CCDC169: variants seen among roughly 807,000 people sequenced by gnomAD.
CCDC169 encodes the protein coiled-coil domain-containing protein 169.
In CCDC169, 30 loss-of-function variants were observed where a neutral mutation model predicts 36.0. The observed-to-expected ratio is 0.83, with a 90% CI of 0.62 to 1.13. CCDC169 has a LOEUF of 1.13. CCDC169 is among the 50% of genes most tolerant of loss of function. The pLI is 0.00. For missense variants in CCDC169, 245 were observed against 245.9 expected (o/e 1.00, Z 0.03); for synonymous variants, 85 against 81.5 (o/e 1.04, Z -0.23).
Position 36,253,820 on chromosome 13 carries a change from G to C in CCDC169, c.451C>G (p.Leu151Val). Residue 151 changes from leucine (L) to valine (V), a missense_variant, in exon 6 of 8, where the codon CTA becomes GTA. By Grantham distance (32) the Leu-to-Val change is conservative. Coordinates refer to ENST00000239859, the MANE Select transcript of CCDC169 (RefSeq NM_001144981.3). ...QKINNERRTY[L>V]AEMSQGSGLH... The stretch of plus-strand genomic sequence containing the variant: ...AGAGTTACCTGAGACATTTCAGCTA[G>C]GTATGTACGGCGTTCATTGTTGATC... 2 of 1,550,860 alleles carry C rather than the reference G, an allele frequency of 1.3e-6. No individual in the cohort carries two copies. Among genetic ancestry groups the C allele is most frequent in the Non-Finnish European group, 1.7e-6 (2 of 1,146,834 alleles).
chr13:36,227,413 A>G, downstream of CCDC169: 1 of 1,479,042 alleles, frequency 6.8e-7, no homozygotes, highest in Non-Finnish European at 9.0e-7. Context: ...GAACATGAAT[A>G]AGGACAGCGA....
chr13:36,273,506 A>G (rs1876373684), intron 4 of CCDC169, among the ~76,000 whole-genome samples: 1 of 152,200 alleles, frequency 6.6e-6, no homozygotes, highest in East Asian at 1.9e-4. Context: ...CTAGCTTCAC[A>G]AGCAAAAAAT....
intron 4 of CCDC169, among the ~76,000 whole-genome samples, chr13:36,265,611 T>C (rs1875184296): frequency 6.6e-6 from 1 of 152,234 alleles, no homozygotes; most frequent in African/African-American, 2.4e-5. Flanking sequence ...TTTTAGGTCT[T>C]TAATTATGGC....
At chr13:36,239,278 A>C (rs941154916) in intron 7 of CCDC169, among the ~76,000 whole-genome samples, 12 of 152,070 alleles carry the variant, frequency 7.9e-5, no homozygotes, top group South Asian at 4.1e-4. Context: ...AAGAAGTATC[A>C]ATATGCATCA....
intron 6 of CCDC169, among the ~76,000 whole-genome samples, chr13:36,252,643 C>A (rs1328636): frequency 2.0e-5 from 3 of 151,994 alleles, no homozygotes; most frequent in Admixed American, 2.0e-4. Flanking sequence ...CAGACTATTT[C>A]TTCTTTTCCC....
At chr13:36,249,308 A>G (rs1220257637) in intron 6 of CCDC169, among the ~76,000 whole-genome samples, 12 of 152,208 alleles carry the variant, frequency 7.9e-5, no homozygotes, top group Non-Finnish European at 1.5e-5. Context: ...CCAAAGATAG[A>G]CAGGCCATCA....
At chr13:36,292,764 TA>T (rs1487111303) in intron 2 of CCDC169, among the ~76,000 whole-genome samples, 1 of 152,106 alleles carries the variant, frequency 6.6e-6, no homozygotes, top group African/African-American at 2.4e-5. Context: ...TTAGATAAAA[TA>T]AATTCAGCAT....
intron 7 of CCDC169, among the ~76,000 whole-genome samples, chr13:36,237,255 T>C (rs922253267): frequency 2.0e-5 from 3 of 152,058 alleles, no homozygotes; most frequent in Admixed American, 2.0e-4. Context: ...TCACTTCACA[T>C]CCACTAGGAT....
intron 4 of CCDC169, among the ~76,000 whole-genome samples, chr13:36,257,996 A>G (rs1036052805): frequency 2.0e-5 from 3 of 152,308 alleles, no homozygotes. Flanking sequence ...GGAATGGCGA[A>G]TGGAACATTT....
At chr13:36,234,318 A>G (rs1870811331) in intron 7 of CCDC169, among the ~76,000 whole-genome samples, 1 of 152,128 alleles carries the variant, frequency 6.6e-6, no homozygotes, top group Non-Finnish European at 1.5e-5. Context: ...GGCCCCCACT[A>G]AAGAAAACTG....
intron 4 of CCDC169, among the ~76,000 whole-genome samples, chr13:36,270,603 C>T (rs1418526700): frequency 6.6e-6 from 1 of 151,996 alleles, no homozygotes; most frequent in African/African-American, 2.4e-5. Context: ...AATAGAGAAC[C>T]CAGAAATAAA....
chr13:36,248,608 T>G lies in CCDC169; in HGVS notation c.543A>C (p.Lys181Asn), dbSNP rs1872771945. The G allele has an allele frequency of 6.5e-7, 1 of 1,549,154 alleles. No homozygotes were observed. Among genetic ancestry groups the G allele is most frequent in the Middle Eastern group, 1.7e-4 (1 of 5,984 alleles). ...AGAAAATATATAGCTAGACTTACGT[T>G]TTCACTAGATTCTCTTGCATCCTAG... ...QLPRMQENLV[K>N]TGRYNPAKQK... The change falls in exon 7 of 8, where the codon AAA (lysine) becomes AAC (asparagine). Residue 181 changes from lysine to asparagine, a missense_variant and splice_region_variant. By Grantham distance (94) the Lys-to-Asn change is moderately conservative. Coordinates refer to ENST00000239859, the MANE Select transcript of CCDC169 (RefSeq NM_001144981.3).
chr13:36,273,441 TGTAATA>T (rs1876363794), intron 4 of CCDC169, among the ~76,000 whole-genome samples: 1 of 152,124 alleles, frequency 6.6e-6, no homozygotes, highest in Non-Finnish European at 1.5e-5. Context: ...CACCAAATGA[TGTAATA>T]GTTATAAAAA....
intron 4 of CCDC169, among the ~76,000 whole-genome samples, chr13:36,256,369 A>T (rs1204095921): frequency 6.6e-6 from 1 of 152,172 alleles, no homozygotes; most frequent in Non-Finnish European, 1.5e-5. Context: ...GGAAACTTAT[A>T]ATCATGGTGG....
At chr13:36,260,671 CTG>C (rs935873159) in intron 4 of CCDC169, among the ~76,000 whole-genome samples, 112 of 152,296 alleles carry the variant, frequency 7.4e-4, no homozygotes, top group African/African-American at 2.6e-3. Flanking sequence ...CTGGTCTACT[CTG>C]TAATATCCTC....
At position 36,295,828 on chromosome 13, in the gene CCDC169, A is replaced by C; in HGVS notation, c.113T>G (p.Leu38Arg). 6.5e-7 allele frequency: 1 copy of C among 1,543,988 alleles called. No homozygotes were observed. Among genetic ancestry groups the C allele is most frequent in the Non-Finnish European group, 8.8e-7 (1 of 1,141,302 alleles). Residue 38 changes from leucine to arginine, a missense_variant, in exon 2 of 8, where the codon CTA (leucine) becomes CGA (arginine). Leu to Arg is a moderately radical substitution (Grantham distance 102). Transcript: ENST00000239859. ...TTCCAGTTCCGTAATCTTGTGTCTTAGTTCAAATATTGAGAGTTGCACTGC... is the reference window on the plus strand; with the variant it reads ...TTCCAGTTCCGTAATCTTGTGTCTTCGTTCAAATATTGAGAGTTGCACTGC... ...KDAVQLSIFELRHKITELEAK... is the reference protein window; with the variant it reads ...KDAVQLSIFERRHKITELEAK...
At chr13:36,255,122 T>C (rs1194754995) in intron 4 of CCDC169, among the ~76,000 whole-genome samples, 1 of 152,180 alleles carries the variant, frequency 6.6e-6, no homozygotes, top group Admixed American at 6.5e-5. Context: ...GGTCTTGCTG[T>C]GAAAACTGGA....
intron 1 of CCDC169, among the ~76,000 whole-genome samples, chr13:36,296,241 G>A (rs1461490675): frequency 3.9e-5 from 6 of 152,204 alleles, no homozygotes; most frequent in East Asian, 3.9e-4. Flanking sequence ...ACAGGCATGC[G>A]CCACCAAGCC....
chr13:36,268,917 C>T (rs1439084957), intron 4 of CCDC169, among the ~76,000 whole-genome samples: 3 of 152,008 alleles, frequency 2.0e-5, no homozygotes. Context: ...TCAGCCCGGC[C>T]AGTATGGTGA....
Sources: allele counts gnomAD v4.1 joint callset (sites outside exome capture counted in the v4.1 genomes callset), GRCh38; gene constraint gnomAD v4.1.1; transcripts MANE v1.5; gene names NCBI Gene and HGNC (gene_info 2026-07-23, HGNC 2026-07-21).